The following ASTN2 variants were observed in gnomAD, a reference collection of about 807,000 sequenced individuals.
ASTN2 encodes the protein astrotactin-2.
In ASTN2, 54 loss-of-function variants were observed where a neutral mutation model predicts 139.8. The observed-to-expected ratio is 0.39, with a 90% CI of 0.31 to 0.48. ASTN2 has a LOEUF of 0.48. Ranked by LOEUF, ASTN2 falls within the 20% of genes least tolerant of loss-of-function variation. The pLI is 0.95. For missense variants in ASTN2, 1,565 were observed against 1,725.1 expected (o/e 0.91, Z 1.64); for synonymous variants, 756 against 719.5 (o/e 1.05, Z -0.81).
intron 7 of ASTN2, among the ~76,000 whole-genome samples, chr9:116,994,459 T>C (rs1019285983): frequency 6.6e-6 from 1 of 152,178 alleles, no homozygotes; most frequent in Non-Finnish European, 1.5e-5. Context: ...ATATTTTGAA[T>C]GAAATGAAAT....
At chr9:117,286,166 A>C (rs1472248829) in intron 2 of ASTN2, among the ~76,000 whole-genome samples, 1 of 152,178 alleles carries the variant, frequency 6.6e-6, no homozygotes, top group Non-Finnish European at 1.5e-5. Flanking sequence ...TTTTTGTTGA[A>C]AGCAACTTTG....
At chr9:117,018,259 C>T (rs557347904) in intron 6 of ASTN2, among the ~76,000 whole-genome samples, 1 of 152,248 alleles carries the variant, frequency 6.6e-6, no homozygotes, top group East Asian at 1.9e-4. Context: ...ACAGGACCCA[C>T]CAGCTTCACT....
chr9:116,946,368 A>T lies in ASTN2; in HGVS notation c.1889+28840T>A, dbSNP rs140036729. Reference sequence around the variant, plus strand: ...ACATCCTGTGGAAGATTCTGTGGACATCAAAAGCATCCTGGAACAAGGGTA... The same window carrying T: ...ACATCCTGTGGAAGATTCTGTGGACTTCAAAAGCATCCTGGAACAAGGGTA... On this transcript the variant is annotated intron_variant, in intron 10 of 22. Coordinates refer to ENST00000313400, the MANE Select transcript of ASTN2 (RefSeq NM_001365068.1). Among the ~76,000 whole-genome samples the T allele has an allele frequency of 1.9e-3, 288 of 152,306 alleles. 2 individuals carry two copies. Among genetic ancestry groups the T allele is most frequent in the African/African-American group, 6.6e-3 (276 of 41,564 alleles).
intron 10 of ASTN2, among the ~76,000 whole-genome samples, chr9:116,925,873 C>CACAA (rs1834741766): frequency 6.6e-6 from 1 of 150,844 alleles, no homozygotes; most frequent in Admixed American, 6.6e-5. Context: ...CACACACACA[C>CACAA]ACACACACAC....
At chr9:116,817,179 G>T (rs376869702) in intron 12 of ASTN2, among the ~76,000 whole-genome samples, 1 of 151,648 alleles carries the variant, frequency 6.6e-6, no homozygotes, top group East Asian at 1.9e-4. Context: ...CTATAGTCCC[G>T]GGTACTAGGG....
At chr9:117,145,562 G>C (rs558053994) in intron 3 of ASTN2, among the ~76,000 whole-genome samples, 1 of 152,250 alleles carries the variant, frequency 6.6e-6, no homozygotes, top group Non-Finnish European at 1.5e-5. Context: ...ACAGCTTTCT[G>C]CCCAGTGTCC....
intron 3 of ASTN2, among the ~76,000 whole-genome samples, chr9:117,185,751 T>C (rs1831180175): frequency 1.3e-5 from 2 of 151,926 alleles, no homozygotes; most frequent in Admixed American, 6.6e-5. Flanking sequence ...TGTGAAGCAG[T>C]AGAAGCCATG....
intron 10 of ASTN2, among the ~76,000 whole-genome samples, chr9:116,951,175 T>A (rs1414954582): frequency 6.6e-6 from 1 of 151,456 alleles, no homozygotes; most frequent in Non-Finnish European, 1.5e-5. Flanking sequence ...CTGTCTCTAC[T>A]AAAAATACAA....
intron 1 of ASTN2, among the ~76,000 whole-genome samples, chr9:117,391,050 A>T (rs1228292018): frequency 6.6e-6 from 1 of 152,186 alleles, no homozygotes; most frequent in Non-Finnish European, 1.5e-5. Flanking sequence ...CCAACCATAG[A>T]TGGAAACTCA....
chr9:117,150,757 C>T (rs934086313), intron 3 of ASTN2, among the ~76,000 whole-genome samples: 1 of 152,112 alleles, frequency 6.6e-6, no homozygotes, highest in Non-Finnish European at 1.5e-5. Context: ...TGCAGTGGTG[C>T]AGTCATATAG....
At chr9:116,841,237 C>T (rs1832242844) in intron 11 of ASTN2, among the ~76,000 whole-genome samples, 1 of 152,062 alleles carries the variant, frequency 6.6e-6, no homozygotes, top group African/African-American at 2.4e-5. Context: ...ACCAGTCAGG[C>T]GTGGCGGCGT....
At chr9:117,366,160 A>C (rs1039491109) in intron 1 of ASTN2, among the ~76,000 whole-genome samples, 5 of 152,194 alleles carry the variant, frequency 3.3e-5, no homozygotes, top group Non-Finnish European at 7.3e-5. Flanking sequence ...ATACACAGAT[A>C]AAGATTTCCA....
At chr9:116,520,861 C>G (rs1330371897) in intron 19 of ASTN2, among the ~76,000 whole-genome samples, 1 of 151,988 alleles carries the variant, frequency 6.6e-6, no homozygotes. Context: ...ACAACAGTGA[C>G]CAAGCTGGGA....
At chr9:116,426,249 C>T (rs1012177631) in intron 22 of ASTN2, among the ~76,000 whole-genome samples, 161 bp from the exon 23 acceptor site, 1 of 152,134 alleles carries the variant, frequency 6.6e-6, no homozygotes, top group Non-Finnish European at 1.5e-5. Flanking sequence ...AAAAATTGCC[C>T]TAGAACCTAT....
chr9:116,787,237 C>T (rs1830400903), intron 13 of ASTN2, among the ~76,000 whole-genome samples: 1 of 152,326 alleles, frequency 6.6e-6, no homozygotes, highest in East Asian at 1.9e-4. Context: ...ATCAGCTTGA[C>T]TAAACACCAG....
intron 19 of ASTN2, among the ~76,000 whole-genome samples, chr9:116,581,782 A>G (rs927422428): frequency 2.6e-5 from 4 of 152,180 alleles, no homozygotes; most frequent in African/African-American, 4.8e-5. Flanking sequence ...ATAGTCTACC[A>G]CAATCTCTGG....
chr9:116,565,351 TTCTCTCTCTCTCTC>T (rs772428232), intron 19 of ASTN2, among the ~76,000 whole-genome samples: 2 of 36,006 alleles, frequency 5.6e-5, no homozygotes, highest in African/African-American at 2.4e-4. Flanking sequence ...AAGACACTGT[TTCTCTCTCTCTCTC>T]TCTCTCTCTC....
rs969070717 is a variant in ASTN2 at position 117,403,752 on chromosome 9, C to T, written c.442+10745G>A. 2.0e-5 allele frequency among the ~76,000 whole-genome samples: 3 copies of T among 152,244 alleles called. No individual in the cohort carries two copies. The East Asian group carries it at 5.8e-4, about 29-fold the overall frequency. ...CACCAGAAGGGAGAGGATTCTGCCCCGCCTGCTCCCACAACACCCACCTGC... is the reference window on the plus strand; with the variant it reads ...CACCAGAAGGGAGAGGATTCTGCCCTGCCTGCTCCCACAACACCCACCTGC... On this transcript the variant is annotated intron_variant, in intron 1 of 22. Transcript: ENST00000313400.
At chr9:117,172,216 T>C (rs946119684) in intron 3 of ASTN2, among the ~76,000 whole-genome samples, 5 of 152,160 alleles carry the variant, frequency 3.3e-5, no homozygotes, top group Non-Finnish European at 7.4e-5. Flanking sequence ...ACAATGACAT[T>C]GTTCATATTC....
Sources: gnomAD v4.1 joint callset for allele counts (sites outside exome capture counted in the v4.1 genomes callset) on GRCh38, gnomAD v4.1.1 for gene constraint, MANE v1.5 for transcripts, NCBI Gene and HGNC (gene_info 2026-07-23, HGNC 2026-07-21) for gene names.